ESPN: variants seen among roughly 807,000 people sequenced by gnomAD.
ESPN encodes the protein autosomal recessive deafness type 36 protein.
In ESPN, 68 loss-of-function variants were observed where a neutral mutation model predicts 77.7. That is an observed-to-expected ratio of 0.87 (90% CI 0.72 to 1.07). ESPN has a LOEUF of 1.07. Among genes scored for constraint, ESPN ranks in the 50% least tolerant of loss-of-function variants. ESPN has a pLI of 0.00. For missense variants in ESPN, 1,060 were observed against 1,239.0 expected, an observed-to-expected ratio of 0.86 and a Z score of 2.17; for synonymous variants, 449 against 567.1, an observed-to-expected ratio of 0.79 and a Z score of 2.96.
chr1:6,444,471 T>A lies in ESPN; in HGVS notation c.991-10T>A, dbSNP rs770063886. ...TGGTTGTCTTCATGGCCTCCCTGCC[T>A]CCCCTTCAGAGCGTGGAGCACCGCG... On this transcript the variant is annotated splice_polypyrimidine_tract_variant and intron_variant, in intron 5 of 12. Transcript: ENST00000645284. 37 of 1,613,892 alleles carry A rather than the reference T, an allele frequency of 2.3e-5. No homozygotes were observed. The highest frequency in any genetic ancestry group is 3.1e-5 in the Non-Finnish European group (37 of 1,179,926).
At position 6,424,827 on chromosome 1, in the gene ESPN, C is replaced by T. The variant is rs1016419334; in HGVS notation, c.-129C>T. On this transcript the variant is annotated 5_prime_UTR_variant, in exon 1 of 13. Transcript: ENST00000645284. ...CAGCGCGGAGCGGAGGCCAGGCCCA[C>T]AGCCGCTCCGCCTCCCGGCCCGCAG... is the stretch of plus-strand genomic sequence containing the variant. 2 of 992,228 alleles carry T rather than the reference C, an allele frequency of 2.0e-6. 1 individual carries two copies. The highest frequency in any genetic ancestry group is 2.6e-6 in the Non-Finnish European group (2 of 761,468). 61.5% of individuals were successfully genotyped at this position (992,228 alleles called of 1,614,324 possible).
chr1:6,456,452 C>G (rs1644059649), intron 10 of ESPN: 1 of 301,290 alleles, frequency 3.3e-6, no homozygotes, highest in Non-Finnish European at 6.0e-6. Context: ...CCTTGCTGAG[C>G]TCTGTGTGGA....
chr1:6,455,615 C>G (rs375501907), intron 10 of ESPN: 12 of 399,240 alleles, frequency 3.0e-5, no homozygotes, highest in Non-Finnish European at 5.3e-5. Context: ...GCGGCGCACC[C>G]CCGCACTACG....
intron 7 of ESPN, among the ~76,000 whole-genome samples, chr1:6,446,466 G>T (rs1353585176): frequency 6.6e-6 from 1 of 152,178 alleles, no homozygotes; most frequent in Non-Finnish European, 1.5e-5. Flanking sequence ...TTCCAGTTTA[G>T]GGCTTGAGCT....
rs571507247 is a variant in ESPN, at chr1:6,456,861, G to C, written c.2326-323G>C. Among the ~76,000 whole-genome samples the C allele has an allele frequency of 5.1e-4, 77 of 152,340 alleles. 1 individual carries two copies. The South Asian group carries it at 0.016, about 31-fold the overall frequency. On this transcript the variant is annotated intron_variant, in intron 10 of 12. Transcript: ENST00000645284. Reference sequence around the variant, plus strand: ...TGGCTGGCATCTGCGTCTGCCCAGAGGTCTTGGGCCTGTGGCCATTGGCCA... The same window carrying C: ...TGGCTGGCATCTGCGTCTGCCCAGACGTCTTGGGCCTGTGGCCATTGGCCA...
intron 2 of ESPN, among the ~76,000 whole-genome samples, chr1:6,439,207 C>A (rs1643535298): frequency 6.6e-6 from 1 of 152,210 alleles, no homozygotes; most frequent in South Asian, 2.1e-4. Flanking sequence ...ATCCTGAGGG[C>A]TGCCAGATTA....
rs778471650 is a variant in ESPN at position 6,425,028 on chromosome 1, G to C, written c.73G>C (p.Gly25Arg). Residue 25 changes from glycine (G) to arginine (R), a missense_variant, in exon 1 of 13, where the codon GGC (glycine) becomes CGC (arginine). By Grantham distance (125) the Gly-to-Arg change is moderately radical. Around this residue, in one of 3 missense-constraint regions of ESPN, gnomAD observed 556 missense variants for 633.6 expected, o/e 0.88. Transcript: ENST00000645284. ...CGTGCTGAGGTCGCTGCACGCCGCA[G>C]GCCTCCTGGGGCCCTCGCTGCGCGA... is the stretch of plus-strand genomic sequence containing the variant. The part of the protein sequence containing the change: ...LDVLRSLHAA[G>R]LLGPSLRDPL... 5 of 1,466,604 alleles carry C rather than the reference G, an allele frequency of 3.4e-6. No individual in the cohort carries two copies. In the South Asian group the frequency reaches 6.5e-5, roughly 19 times the overall value. 90.8% of individuals were successfully genotyped at this position (1,466,604 alleles called of 1,614,324 possible). A position where few individuals can be genotyped will look rare whatever the true frequency, so the allele number is the denominator to read the frequency against.
chr1:6,458,008 G>GGAA (rs1320764254), intron 12 of ESPN, among the ~76,000 whole-genome samples: 1 of 85,622 alleles, frequency 1.2e-5, no homozygotes, highest in African/African-American at 4.3e-5. Flanking sequence ...CTCATTCTGC[G>GGAA]AAAAAAAAAA....
rs919375072 is a variant in ESPN, at chr1:6,440,309, G to A, written c.544G>A (p.Glu182Lys). ...GATPLYLACQ[E>K]GHLEVTQYLV... ...CACGCCCCTGTACCTGGCGTGCCAGGAGGGCCACCTGGAGGTGACCCAGTA... is the reference window on the plus strand; with the variant it reads ...CACGCCCCTGTACCTGGCGTGCCAGAAGGGCCACCTGGAGGTGACCCAGTA... Residue 182 changes from glutamate (E) to lysine (K), a missense_variant, in exon 3 of 13, where the codon GAG becomes AAG. Coordinates refer to ENST00000645284, the MANE Select transcript of ESPN (RefSeq NM_031475.3). 195 of 1,559,990 alleles carry A rather than the reference G, an allele frequency of 1.3e-4. 1 individual carries two copies. The highest frequency in any genetic ancestry group is 1.6e-4 in the Non-Finnish European group (189 of 1,152,262).
At chr1:6,432,432 A>T (rs1643284798) in intron 2 of ESPN, among the ~76,000 whole-genome samples, 1 of 151,700 alleles carries the variant, frequency 6.6e-6, no homozygotes, top group Non-Finnish European at 1.5e-5. Context: ...GCTGTCCTTG[A>T]CCCCCTGACC....
intron 10 of ESPN, among the ~76,000 whole-genome samples, chr1:6,453,186 G>T (rs1222929380): frequency 1.3e-5 from 2 of 152,348 alleles, no homozygotes; most frequent in African/African-American, 4.8e-5. Context: ...GAGCCACCAC[G>T]CCTGGCCCCC....
intron 12 of ESPN, among the ~76,000 whole-genome samples, chr1:6,459,226 G>A (rs1410846857): frequency 1.3e-5 from 2 of 149,520 alleles, no homozygotes; most frequent in East Asian, 3.9e-4. Context: ...GGGTGACAGA[G>A]CGAGACTCTG....
At chr1:6,458,627 T>A (rs1187213126) in intron 12 of ESPN, among the ~76,000 whole-genome samples, 22 of 149,908 alleles carry the variant, frequency 1.5e-4, no homozygotes, top group South Asian at 4.3e-4. Context: ...GCAAAAAAAA[T>A]TTTTTTTAAT....
At position 6,450,377 on chromosome 1, in the gene ESPN, G is replaced by A; in HGVS notation, c.1916-1226G>A. 1.5e-6 allele frequency: 1 copy of A among 656,750 alleles called. No individual in the cohort carries two copies. Among genetic ancestry groups the A allele is most frequent in the Non-Finnish European group, 1.9e-6 (1 of 529,420 alleles). 40.7% of individuals were successfully genotyped at this position (656,750 alleles called of 1,614,324 possible). The stretch of plus-strand genomic sequence containing the variant: ...CCTGGCCCGCTCCCTGTCCCCTGCT[G>A]TCCCAGTCTCATCCTGCCCCCCCTC... On this transcript the variant is annotated intron_variant, in intron 8 of 12. Coordinates refer to ENST00000645284, the MANE Select transcript of ESPN (RefSeq NM_031475.3). The surrounding 1 kb of genome is among the most constrained non-coding windows in gnomAD (Gnocchi z 4.3).
At chr1:6,457,100 C>G in intron 10 of ESPN, 84 bp from the exon 11 acceptor site, 3 of 1,333,722 alleles carry the variant, frequency 2.2e-6, no homozygotes, top group Non-Finnish European at 2.1e-6. Context: ...TTCCTGTGAC[C>G]CTGACTCCTT....
In ESPN at chr1:6,444,559, C is replaced by T. The variant is rs116413227; in HGVS notation, c.1069C>T (p.Pro357Ser). ...AKQPDSGMSS[P>S]NTTVSVQPLN... ...GCAGCCGGATTCAGGCATGTCCTCA[C>T]CCAATACCACGGTGTCGGTCCAGCC... is the stretch of plus-strand genomic sequence containing the variant. The change falls in exon 6 of 13, where the codon CCC becomes TCC. Residue 357 changes from proline (P) to serine (S), a missense_variant. By Grantham distance (74) the Pro-to-Ser change is moderately conservative (BLOSUM62 -1). This residue lies in a region of ESPN where 556 missense variants were observed against 633.6 expected (regional missense o/e 0.88). Coordinates refer to ENST00000645284, the MANE Select transcript of ESPN (RefSeq NM_031475.3). 1.6e-3 allele frequency: 2,652 copies of T among 1,614,242 alleles called. 24 individuals carry two copies. In the African/African-American group the frequency reaches 0.031, roughly 19 times the overall value.
intron 10 of ESPN, 67 bp from the exon 11 acceptor site, chr1:6,457,117 C>T: frequency 6.8e-7 from 1 of 1,477,744 alleles, no homozygotes; most frequent in Non-Finnish European, 9.3e-7. Context: ...CCTTCAGGTC[C>T]CGAGGTTGAG....
At chr1:6,455,969 G>A (rs926254142) in intron 10 of ESPN, 7 of 398,610 alleles carry the variant, frequency 1.8e-5, no homozygotes, top group African/African-American at 1.4e-4. Context: ...CGGGGGACCC[G>A]CCTGAGGGGC....
rs150787823 is a variant in ESPN, at chr1:6,427,398, G to T, written c.295-828G>T. Among the ~76,000 whole-genome samples, 213 of 152,272 alleles carry T rather than the reference G, an allele frequency of 1.4e-3. 2 individuals are homozygous for T. Among genetic ancestry groups the T allele is most frequent in the Middle Eastern group, 0.014 (4 of 294 alleles). The stretch of plus-strand genomic sequence containing the variant: ...CTCCCCTCCAGCCCCTTTCTCAGCA[G>T]ACACACACAATGGGGTGTGCACTGA... On this transcript the variant is annotated intron_variant, in intron 1 of 12. Transcript: ENST00000645284. This position sits in a 1 kb window ranked among gnomAD's most constrained non-coding sequence, Gnocchi z 4.6.
Sources: gnomAD v4.1 joint callset for allele counts (sites outside exome capture counted in the v4.1 genomes callset) on GRCh38, gnomAD v4.1.1 for gene constraint, gnomAD v4.1.1 regional missense constraint, Gnocchi (gnomAD v3.1) non-coding constraint, MANE v1.5 for transcripts, NCBI Gene and HGNC (gene_info 2026-07-23, HGNC 2026-07-21) for gene names.